Variants in MLIP observed in about 807,000 individuals in gnomAD.
MLIP encodes muscular LMNA-interacting protein.
Under a neutral mutation model 84.8 loss-of-function variants are expected in MLIP, and 79 were observed. The observed-to-expected ratio is 0.93, with a 90% CI of 0.78 to 1.12. The LOEUF is 1.12. Among genes scored for constraint, MLIP ranks in the 50% most tolerant of loss-of-function variants. The pLI, the probability that MLIP is intolerant of heterozygous loss-of-function variation, is 0.00. For synonymous variants in MLIP, 504 were observed against 463.0 expected, an observed-to-expected ratio of 1.09 and a Z score of -1.14; for missense variants, 1,257 against 1,160.6, an observed-to-expected ratio of 1.08 and a Z score of -1.21.
intron 12 of MLIP, among the ~76,000 whole-genome samples, chr6:54,238,918 C>T (rs1286413078): frequency 6.6e-6 from 1 of 151,996 alleles, no homozygotes; most frequent in African/African-American, 2.4e-5. Flanking sequence ...TGTTTGTAAC[C>T]ATACACTATT....
At chr6:54,053,755 C>T (rs1030060142) in intron 1 of MLIP, among the ~76,000 whole-genome samples, 1 of 152,092 alleles carries the variant, frequency 6.6e-6, no homozygotes, top group Admixed American at 6.5e-5. Context: ...AATAAAATTT[C>T]CTTGTTACAA....
At chr6:54,193,658 T>C (rs2150688233) in intron 10 of MLIP, among the ~76,000 whole-genome samples, 1 of 152,248 alleles carries the variant, frequency 6.6e-6, no homozygotes, top group African/African-American at 2.4e-5. Flanking sequence ...CTGCCTCGTG[T>C]TTTTGCACTG....
At chr6:54,028,289 A>G (rs2150276597) in intron 1 of MLIP, among the ~76,000 whole-genome samples, 2 of 151,916 alleles carry the variant, frequency 1.3e-5, no homozygotes, top group Middle Eastern at 6.8e-3. Flanking sequence ...CTCCACCCCC[A>G]GCTTGGTCTT....
At chr6:54,254,273 C>T (rs556091294) in intron 12 of MLIP, among the ~76,000 whole-genome samples, 3 of 151,754 alleles carry the variant, frequency 2.0e-5, no homozygotes, top group African/African-American at 7.2e-5. Context: ...ACTGCAGACG[C>T]ACACCACCAT....
chr6:54,179,946 A>T (rs1310600814), intron 9 of MLIP, among the ~76,000 whole-genome samples: 1 of 152,106 alleles, frequency 6.6e-6, no homozygotes, highest in South Asian at 2.1e-4. Context: ...TTTCTTTCAA[A>T]TTGAAGAGCC....
intron 12 of MLIP, among the ~76,000 whole-genome samples, chr6:54,233,527 T>C (rs894761440): frequency 6.6e-6 from 1 of 152,180 alleles, no homozygotes; most frequent in Admixed American, 6.5e-5. Context: ...TTTATGACTG[T>C]ATAGTATTCC....
At chr6:54,081,446 C>T (rs866545837) in intron 1 of MLIP, among the ~76,000 whole-genome samples, 1 of 151,924 alleles carries the variant, frequency 6.6e-6, no homozygotes, top group African/African-American at 2.4e-5. Context: ...TCGTTTATGT[C>T]GCCCAGGCTG....
intron 1 of MLIP, among the ~76,000 whole-genome samples, chr6:54,090,568 A>T (rs549785713): frequency 6.6e-6 from 1 of 152,080 alleles, no homozygotes; most frequent in South Asian, 2.1e-4. Context: ...TTCAGCAAAC[A>T]TTAGTGTGAG....
At chr6:54,213,722 A>ACAG (rs1554185727) in intron 11 of MLIP, among the ~76,000 whole-genome samples, 1 of 122,810 alleles carries the variant, frequency 8.1e-6, no homozygotes, top group Admixed American at 8.3e-5. Flanking sequence ...AAAAAAAAAA[A>ACAG]AAAAAAAAAA....
intron 9 of MLIP, among the ~76,000 whole-genome samples, chr6:54,185,946 A>G (rs1468350316): frequency 1.3e-5 from 2 of 152,208 alleles, no homozygotes; most frequent in Non-Finnish European, 2.9e-5. Flanking sequence ...AACCTGGCCC[A>G]CAGCAATTAG....
intron 9 of MLIP, among the ~76,000 whole-genome samples, chr6:54,172,731 C>G (rs1283848621): frequency 6.7e-6 from 1 of 149,840 alleles, no homozygotes; most frequent in African/African-American, 2.4e-5. Flanking sequence ...AAAAAATAAA[C>G]AAAGAAAATC....
chr6:54,084,541 T>C (rs1582101290), intron 1 of MLIP, among the ~76,000 whole-genome samples: 1 of 152,312 alleles, frequency 6.6e-6, no homozygotes, highest in South Asian at 2.1e-4. Flanking sequence ...CCAGAGTGAC[T>C]TAATTGCTTT....
At chr6:54,094,003 T>C (rs1365908805) in intron 1 of MLIP, among the ~76,000 whole-genome samples, 2 of 152,186 alleles carry the variant, frequency 1.3e-5, no homozygotes, top group Non-Finnish European at 2.9e-5. Context: ...GAACAGTAGC[T>C]GTTTTTAATT....
At position 54,137,217 on chromosome 6, in the gene MLIP, C is replaced by A. The variant is rs931098803; in HGVS notation, c.1148C>A (p.Ser383Tyr). 1.5e-5 allele frequency: 23 copies of A among 1,535,992 alleles called. No homozygotes were observed. In the African/African-American group the frequency reaches 3.1e-4, roughly 21 times the overall value. Residue 383 changes from serine (S) to tyrosine (Y), a missense_variant, in exon 4 of 14, where the codon TCT (serine) becomes TAT (tyrosine). Coordinates refer to ENST00000502396, the MANE Select transcript of MLIP (RefSeq NM_001281747.2). ...LSPSPKPFTS[S>Y]FHGSSSTICS... Reference sequence around the variant, plus strand: ...CCGAGCCCCAAACCATTTACCTCCTCTTTCCACGGCTCTTCTTCCACCATC... The same window carrying A: ...CCGAGCCCCAAACCATTTACCTCCTATTTCCACGGCTCTTCTTCCACCATC...
chr6:54,081,673 A>G (rs900594630), intron 1 of MLIP, among the ~76,000 whole-genome samples: 2 of 152,086 alleles, frequency 1.3e-5, no homozygotes, highest in African/African-American at 4.8e-5. Flanking sequence ...CCGGCCTCCC[A>G]AAGTGCTGGG....
intron 1 of MLIP, among the ~76,000 whole-genome samples, chr6:54,099,026 C>A (rs753363499): frequency 3.9e-5 from 6 of 152,092 alleles, no homozygotes; most frequent in Non-Finnish European, 8.8e-5. Context: ...AAAGTAATGA[C>A]TTTGCAAAAA....
chr6:54,226,317 C>T (rs1032364315), intron 11 of MLIP, among the ~76,000 whole-genome samples: 4 of 152,230 alleles, frequency 2.6e-5, no homozygotes, highest in Admixed American at 1.3e-4. Flanking sequence ...GGGTTAATGC[C>T]GACCCGCACT....
intron 1 of MLIP, among the ~76,000 whole-genome samples, chr6:54,034,428 T>C (rs1474204368): frequency 6.6e-6 from 1 of 152,226 alleles, no homozygotes; most frequent in Non-Finnish European, 1.5e-5. Flanking sequence ...GGTGGTCATA[T>C]AAGATTATAA....
At chr6:54,173,699 C>A (rs1775993427) in intron 9 of MLIP, among the ~76,000 whole-genome samples, 1 of 151,922 alleles carries the variant, frequency 6.6e-6, no homozygotes, top group South Asian at 2.1e-4. Flanking sequence ...TCTGTCCCCT[C>A]AAGCTTTTAT....
Sources: allele counts gnomAD v4.1 joint callset (sites outside exome capture counted in the v4.1 genomes callset), GRCh38; gene constraint gnomAD v4.1.1; transcripts MANE v1.5; gene names NCBI Gene and HGNC (gene_info 2026-07-23, HGNC 2026-07-21).